FARS2: variants seen among roughly 807,000 people sequenced by gnomAD.
The protein encoded by FARS2 is phenylalanine--tRNA ligase, mitochondrial.
A neutral mutation model predicts 46.4 loss-of-function variants in FARS2; 40 were observed. That is an observed-to-expected ratio of 0.86 (90% CI 0.67 to 1.12). The LOEUF (loss-of-function observed/expected upper bound fraction) is 1.12, where lower values mean the gene tolerates loss of function less well. Ranked by LOEUF, FARS2 falls within the 50% of genes most tolerant of loss-of-function variation. The probability of loss-of-function intolerance (pLI) is 0.00; values close to 1 mark genes in which losing one functional copy is unlikely to be tolerated. For synonymous variants in FARS2, 234 were observed against 214.9 expected (o/e 1.09, Z -0.78); for missense variants, 513 against 567.9 (o/e 0.90, Z 0.98).
At chr6:5,383,549 C>T (rs1368446202) in intron 2 of FARS2, among the ~76,000 whole-genome samples, 1 of 141,586 alleles carries the variant, frequency 7.1e-6, no homozygotes, top group Non-Finnish European at 1.5e-5. Flanking sequence ...GCGTCCATAA[C>T]TAAAATGAGG....
chr6:5,316,166 G>T (rs797145), intron 1 of FARS2, among the ~76,000 whole-genome samples: 25,768 of 152,204 alleles, frequency 0.17, 3,355 homozygotes, highest in African/African-American at 0.37. Context: ...CAAATGTACT[G>T]GGAAAGATTC....
At chr6:5,642,926 C>T (rs1274940363) in intron 6 of FARS2, among the ~76,000 whole-genome samples, 1 of 152,190 alleles carries the variant, frequency 6.6e-6, no homozygotes, top group African/African-American at 2.4e-5. Context: ...TCCCCTGCAG[C>T]CTTGAAGCGT....
chr6:5,533,876 AAGAGG>A (rs989277669), intron 4 of FARS2, among the ~76,000 whole-genome samples: 26 of 152,352 alleles, frequency 1.7e-4, no homozygotes, highest in Non-Finnish European at 2.8e-4. Context: ...ACCCGGTGGC[AAGAGG>A]AGAGAGAGCA....
intron 2 of FARS2, among the ~76,000 whole-genome samples, chr6:5,374,226 T>C (rs1404499131): frequency 3.9e-5 from 6 of 152,094 alleles, no homozygotes; most frequent in African/African-American, 1.4e-4. Context: ...TATTCGTGCA[T>C]ACGTTTGAAA....
At chr6:5,654,653 C>T (rs1017498813) in intron 6 of FARS2, among the ~76,000 whole-genome samples, 10 of 152,210 alleles carry the variant, frequency 6.6e-5, no homozygotes, top group Non-Finnish European at 1.2e-4. Flanking sequence ...CTGTGTATGT[C>T]GGGAGCCCCA....
intron 5 of FARS2, among the ~76,000 whole-genome samples, chr6:5,547,595 A>G (rs764646494): frequency 2.3e-4 from 35 of 152,330 alleles, no homozygotes; most frequent in African/African-American, 8.2e-4. Context: ...GTGAGATCAC[A>G]GGATCTCTTT....
chr6:5,767,815 C>G (rs1273921587), intron 6 of FARS2, among the ~76,000 whole-genome samples: 1 of 152,172 alleles, frequency 6.6e-6, no homozygotes, highest in Admixed American at 6.5e-5. Context: ...CAGTGTAGGT[C>G]ATGGCAGATG....
intron 6 of FARS2, among the ~76,000 whole-genome samples, chr6:5,684,150 G>A (rs966408303): frequency 3.3e-5 from 5 of 152,212 alleles, no homozygotes; most frequent in South Asian, 2.1e-4. Context: ...TTTGTCAACC[G>A]CTTAAAGCCT....
At chr6:5,732,047 C>G (rs995799170) in intron 6 of FARS2, among the ~76,000 whole-genome samples, 1 of 152,188 alleles carries the variant, frequency 6.6e-6, no homozygotes, top group Non-Finnish European at 1.5e-5. Flanking sequence ...AGACAGCTGT[C>G]CCCGATGATC....
At chr6:5,564,339 C>T (rs999205311) in intron 5 of FARS2, among the ~76,000 whole-genome samples, 4 of 152,190 alleles carry the variant, frequency 2.6e-5, no homozygotes, top group Non-Finnish European at 5.9e-5. Context: ...GCACCTTACT[C>T]ACTTTCATTA....
intron 5 of FARS2, among the ~76,000 whole-genome samples, chr6:5,607,281 ATGTATGTGTGTGTGTGTGTGTGTGTGTG>A (rs199585803): frequency 0.015 from 2,244 of 147,496 alleles, 78 homozygotes; most frequent in East Asian, 0.13. Context: ...AAAGAATAAT[ATGTATGTGTGTGTGTGTGTGTGTGTGTG>A]TGTGTGTGTG....
intron 6 of FARS2, among the ~76,000 whole-genome samples, chr6:5,755,996 GAT>G (rs1762183337): frequency 6.6e-6 from 1 of 152,176 alleles, no homozygotes; most frequent in Non-Finnish European, 1.5e-5. Flanking sequence ...CTGTGCCAAG[GAT>G]ATGTTTTGTT....
At chr6:5,417,534 G>T (rs1297567577) in intron 3 of FARS2, among the ~76,000 whole-genome samples, 1 of 152,098 alleles carries the variant, frequency 6.6e-6, no homozygotes, top group Non-Finnish European at 1.5e-5. Flanking sequence ...GGCCCTTTTA[G>T]TTTTTTAGAG....
chr6:5,632,127 T>C (rs1490684543), intron 6 of FARS2, among the ~76,000 whole-genome samples: 1 of 152,212 alleles, frequency 6.6e-6, no homozygotes, highest in Non-Finnish European at 1.5e-5. Flanking sequence ...TATGCCCCAA[T>C]AAAAATTCAG....
intron 5 of FARS2, among the ~76,000 whole-genome samples, chr6:5,605,234 G>C (rs2150647726): frequency 6.6e-6 from 1 of 152,316 alleles, no homozygotes; most frequent in African/African-American, 2.4e-5. Context: ...GTGGGCTGCA[G>C]GATCGCTAGC....
rs369159885 is a variant in FARS2 at position 5,279,780 on chromosome 6, A to G, written c.-22+18120A>G. Among the ~76,000 whole-genome samples, 39 of 152,186 alleles carry G rather than the reference A, an allele frequency of 2.6e-4. No individual in the cohort carries two copies. In the South Asian group the frequency reaches 8.1e-3, roughly 32 times the overall value. The stretch of plus-strand genomic sequence containing the variant: ...GTCCCAGCTTGAAAGACAGGCAAAG[A>G]GAGAATTCTTTCTTACTCAGCCATT... On this transcript the variant is annotated intron_variant, in intron 1 of 6. Coordinates refer to ENST00000274680, the MANE Select transcript of FARS2 (RefSeq NM_006567.5).
Position 5,546,574 on chromosome 6 carries a change from T to G in FARS2, c.1065+1234T>G, listed in dbSNP as rs184251906. On this transcript the variant is annotated intron_variant, in intron 5 of 6. Coordinates refer to ENST00000274680, the MANE Select transcript of FARS2 (RefSeq NM_006567.5). ...CCTCATCTAGTATCTTTTCCAACAA[T>G]TCTACTCCATTCATTTTTCAGAATG... Among the ~76,000 whole-genome samples the G allele has an allele frequency of 9.1e-4, 139 of 152,080 alleles. 2 individuals are homozygous for G. Among genetic ancestry groups the G allele is most frequent in the Admixed American group, 4.5e-3 (68 of 15,248 alleles).
rs1409887443 is a variant in FARS2, at chr6:5,725,884, G to A, written c.1218-45407G>A. ...AGAGAGGCAGAGGTTGCAGTGAGTC[G>A]AGATGGGGCCACTGCACTCCAGCCT... On this transcript the variant is annotated intron_variant, in intron 6 of 6. Coordinates refer to ENST00000274680, the MANE Select transcript of FARS2 (RefSeq NM_006567.5). Among the ~76,000 whole-genome samples the A allele has an allele frequency of 5.3e-5, 8 of 152,170 alleles. No individual in the cohort carries two copies. In the East Asian group the frequency reaches 5.8e-4, roughly 11 times the overall value.
intron 6 of FARS2, among the ~76,000 whole-genome samples, chr6:5,743,076 C>A (rs1761442531): frequency 6.6e-6 from 1 of 152,084 alleles, no homozygotes; most frequent in Non-Finnish European, 1.5e-5. Flanking sequence ...ATGGCATTAT[C>A]AATTTTGCCT....
Sources: gnomAD v4.1 joint callset for allele counts (sites outside exome capture counted in the v4.1 genomes callset) on GRCh38, gnomAD v4.1.1 for gene constraint, MANE v1.5 for transcripts, NCBI Gene and HGNC (gene_info 2026-07-23, HGNC 2026-07-21) for gene names.